Variants in RIMS1 observed in about 807,000 individuals in gnomAD.
RIMS1 encodes the protein regulating synaptic membrane exocytosis protein 1.
A neutral mutation model predicts 214.1 loss-of-function variants in RIMS1; 83 were observed. The ratio of observed to expected loss-of-function variants is 0.39; its 90% confidence interval spans 0.32 to 0.47. The LOEUF (loss-of-function observed/expected upper bound fraction) is 0.47. Among genes scored for constraint, RIMS1 ranks in the 20% least tolerant of loss-of-function variants. RIMS1 has a pLI of 0.99. For missense variants in RIMS1, 2,050 were observed against 2,161.8 expected, an observed-to-expected ratio of 0.95 and a Z score of 1.03; for synonymous variants, 793 against 786.8, an observed-to-expected ratio of 1.01 and a Z score of -0.13.
chr6:72,274,630 T>G (rs1326207223), intron 23 of RIMS1, among the ~76,000 whole-genome samples, 198 bp downstream of exon 23: 1 of 152,230 alleles, frequency 6.6e-6, no homozygotes, highest in Non-Finnish European at 1.5e-5. Context: ...TGGCAGAGTT[T>G]AAACCCAGTG....
chr6:72,361,326 G>A (rs372736905), intron 29 of RIMS1, among the ~76,000 whole-genome samples: 1 of 151,332 alleles, frequency 6.6e-6, no homozygotes, highest in East Asian at 1.9e-4. Flanking sequence ...GGCTGGTCTC[G>A]AACTCCTGAC....
rs546196494 is a variant in RIMS1 at position 72,017,125 on chromosome 6, C to T, written c.245+48062C>T. Among the ~76,000 whole-genome samples the T allele has an allele frequency of 1.2e-4, 18 of 152,318 alleles. No homozygotes were observed. In the South Asian group the frequency reaches 3.5e-3, roughly 30 times the overall value. On this transcript the variant is annotated intron_variant, in intron 2 of 33. Coordinates refer to ENST00000521978, the MANE Select transcript of RIMS1 (RefSeq NM_014989.7). ...GTGGTATAGACATAGGCAGAGACAA[C>T]ATGTGTTCACTACAACTGATGTAAG...
At chr6:72,092,480 G>GT (rs1836562988) in intron 2 of RIMS1, among the ~76,000 whole-genome samples, 1 of 152,068 alleles carries the variant, frequency 6.6e-6, no homozygotes, top group Middle Eastern at 3.2e-3. Flanking sequence ...GATTAAGAGA[G>GT]TTATAGACTG....
At chr6:72,076,677 T>C (rs534023117) in intron 2 of RIMS1, among the ~76,000 whole-genome samples, 2 of 152,264 alleles carry the variant, frequency 1.3e-5, no homozygotes, top group African/African-American at 4.8e-5. Context: ...TAAAGTGCGC[T>C]CCAGAGACTT....
At chr6:72,167,537 T>C (rs1439538249) in intron 4 of RIMS1, among the ~76,000 whole-genome samples, 1 of 152,138 alleles carries the variant, frequency 6.6e-6, no homozygotes, top group Non-Finnish European at 1.5e-5. Context: ...AAATATGTTT[T>C]AAGGAATTTG....
At chr6:72,236,433 A>C (rs2064070836) in intron 8 of RIMS1, among the ~76,000 whole-genome samples, 1 of 152,142 alleles carries the variant, frequency 6.6e-6, no homozygotes, top group Non-Finnish European at 1.5e-5. Flanking sequence ...ATAGACCTAC[A>C]TTTTACTACA....
chr6:72,205,276 A>G (rs2052701673), intron 6 of RIMS1, among the ~76,000 whole-genome samples: 1 of 152,222 alleles, frequency 6.6e-6, no homozygotes. Flanking sequence ...TAAGAAAGAA[A>G]TAAAGCAACA....
chr6:72,054,235 T>C (rs981170493), intron 2 of RIMS1, among the ~76,000 whole-genome samples: 1 of 152,198 alleles, frequency 6.6e-6, no homozygotes, highest in Admixed American at 6.5e-5. Flanking sequence ...GTTTCATCCA[T>C]GTCCCTGCAA....
At chr6:72,227,747 A>C (rs982220418) in intron 6 of RIMS1, among the ~76,000 whole-genome samples, 1 of 151,946 alleles carries the variant, frequency 6.6e-6, no homozygotes, top group Non-Finnish European at 1.5e-5. Context: ...CGGAGGTTTC[A>C]TTGAGTACGA....
intron 4 of RIMS1, among the ~76,000 whole-genome samples, chr6:72,161,483 G>T (rs1428380892): frequency 2.9e-5 from 4 of 140,044 alleles, no homozygotes; most frequent in African/African-American, 9.9e-5. Context: ...TGATGTTAGG[G>T]TGTCAATTTT....
At chr6:72,137,479 C>G (rs564874594) in intron 4 of RIMS1, among the ~76,000 whole-genome samples, 10 of 151,608 alleles carry the variant, frequency 6.6e-5, no homozygotes, top group African/African-American at 2.4e-4. Context: ...TGTTTTGAGA[C>G]GTTTAATTTT....
chr6:72,041,897 C>T (rs9446553), intron 2 of RIMS1, among the ~76,000 whole-genome samples: 29,974 of 151,734 alleles, frequency 0.2, 3,169 homozygotes, highest in Non-Finnish European at 0.24. Context: ...AATTTGCCTA[C>T]GTAAACACAA....
chr6:72,400,771 AC>A lies in RIMS1; in HGVS notation c.*59del. 3.0e-6 allele frequency: 4 copies of A among 1,344,174 alleles called. No homozygotes were observed. Among genetic ancestry groups the A allele is most frequent in the Non-Finnish European group, 4.2e-6 (4 of 958,066 alleles). 83.3% of individuals were successfully genotyped at this position (1,344,174 alleles called of 1,614,324 possible). A position where few individuals can be genotyped will look rare whatever the true frequency, so the allele number is the denominator to read the frequency against. On this transcript the variant is annotated 3_prime_UTR_variant, in exon 34 of 34. Transcript: ENST00000521978. ...TCTACTTTTCAGGATAATAATCTGA[AC>A]CAGATATTTCATGATCGAAAGCATT...
chr6:71,999,977 ATAGT>A (rs1411810370), intron 2 of RIMS1, among the ~76,000 whole-genome samples: 1 of 152,100 alleles, frequency 6.6e-6, no homozygotes, highest in African/African-American at 2.4e-5. Flanking sequence ...TCTCTACCAG[ATAGT>A]TCTCAAAATT....
Position 72,145,297 on chromosome 6 carries a change from C to A in RIMS1, c.472-34278C>A, listed in dbSNP as rs552587581. Reference sequence around the variant, plus strand: ...TCTCTTCTTGATGTCCCCAAGATAACTTGGGCTCCTGGGCCTATTAGAAAG... The same window carrying A: ...TCTCTTCTTGATGTCCCCAAGATAAATTGGGCTCCTGGGCCTATTAGAAAG... On this transcript the variant is annotated intron_variant, in intron 4 of 33. Transcript: ENST00000521978. Among the ~76,000 whole-genome samples the A allele has an allele frequency of 6.6e-5, 10 of 152,218 alleles. No individual in the cohort carries two copies. In the South Asian group the frequency reaches 1.2e-3, roughly 19 times the overall value.
In RIMS1 at chr6:72,357,437, A is replaced by G. The variant is rs77446207; in HGVS notation, c.4366+23602A>G. ...TTATGGGTAGAATATTCTAAGGTGT[A>G]ACAAATAGACTTAGGGGATTGTTCT... On this transcript the variant is annotated intron_variant, in intron 29 of 33. Coordinates refer to ENST00000521978, the MANE Select transcript of RIMS1 (RefSeq NM_014989.7). Among the ~76,000 whole-genome samples the G allele has an allele frequency of 5.1e-3, 778 of 152,312 alleles. 3 individuals carry two copies. The highest frequency in any genetic ancestry group is 0.018 in the African/African-American group (739 of 41,570).
intron 2 of RIMS1, among the ~76,000 whole-genome samples, chr6:71,974,638 T>C (rs1796706783): frequency 6.6e-6 from 1 of 152,094 alleles, no homozygotes; most frequent in South Asian, 2.1e-4. Context: ...AATATAGTGA[T>C]TCATTAGATG....
At chr6:72,396,793 A>G (rs1173456499) in intron 31 of RIMS1, among the ~76,000 whole-genome samples, 1 of 152,136 alleles carries the variant, frequency 6.6e-6, no homozygotes, top group Non-Finnish European at 1.5e-5. Flanking sequence ...CAGGCAGATC[A>G]CCGGAGGTCA....
intron 2 of RIMS1, among the ~76,000 whole-genome samples, chr6:72,034,873 C>A (rs1819174601): frequency 6.6e-6 from 1 of 152,038 alleles, no homozygotes; most frequent in Non-Finnish European, 1.5e-5. Flanking sequence ...AATTAAGATG[C>A]ATAATTGTTT....
Sources: allele counts gnomAD v4.1 joint callset (sites outside exome capture counted in the v4.1 genomes callset), GRCh38; gene constraint gnomAD v4.1.1; transcripts MANE v1.5; gene names NCBI Gene and HGNC (gene_info 2026-07-23, HGNC 2026-07-21).